The following MESD variants were observed in gnomAD, a reference collection of about 807,000 sequenced individuals.
The protein encoded by MESD is mesoderm development LRP chaperone, also known as LRP chaperone MESD.
MESD carries 7 observed loss-of-function variants against 12.9 expected under a neutral mutation model. The ratio of observed to expected loss-of-function variants is 0.54; its 90% confidence interval spans 0.31 to 1.02. MESD has a LOEUF of 1.02. Among genes scored for constraint, MESD ranks in the 50% least tolerant of loss-of-function variants. The pLI is 0.05. For synonymous variants in MESD, 126 were observed against 115.6 expected (o/e 1.09, Z -0.58); for missense variants, 342 against 296.7 (o/e 1.15, Z -1.12).
In MESD at chr15:80,952,112, C is replaced by T. The variant is rs148146119; in HGVS notation, c.*473G>A. ...AGGCTGTCACTTCAACTCCCCTCCC[C>T]GATGGGGAAGCCAGGCAGAAGCAGG... is the stretch of plus-strand genomic sequence containing the variant. On this transcript the variant is annotated 3_prime_UTR_variant, in exon 4 of 5. Coordinates refer to the MESD transcript ENST00000561312. 755 of 450,572 alleles carry T rather than the reference C, an allele frequency of 1.7e-3. 8 individuals are homozygous for T. Among genetic ancestry groups the T allele is most frequent in the African/African-American group, 0.013 (634 of 50,056 alleles). The allele number at this position is 450,572 out of a possible 1,614,324, so 27.9% of individuals were successfully genotyped here.
Position 80,981,907 on chromosome 15 carries a change from G to A in MESD, c.446+43C>T, listed in dbSNP as rs202028657. Reference sequence around the variant, plus strand: ...TAATAATAATAATAAAGAAAAGACCGAGCACAGCCTATGAGTCTCTCAGCT... The same window carrying A: ...TAATAATAATAATAAAGAAAAGACCAAGCACAGCCTATGAGTCTCTCAGCT... On this transcript the variant is annotated intron_variant, in intron 2 of 2. Coordinates refer to ENST00000261758, the MANE Select transcript of MESD (RefSeq NM_015154.3). The A allele has an allele frequency of 2.1e-4, 267 of 1,293,898 alleles. 5 individuals carry two copies. The East Asian group carries it at 4.0e-3, about 19-fold the overall frequency. The allele number at this position is 1,293,898 out of a possible 1,614,324, so 80.2% of individuals were successfully genotyped here.
chr15:80,979,065 C>A lies in MESD; in HGVS notation c.*154G>T, dbSNP rs8039384. The A allele has an allele frequency of 0.14, 145,929 of 1,011,564 alleles. 11,200 individuals are homozygous for A. Among genetic ancestry groups the A allele is most frequent in the African/African-American group, 0.25 (15,321 of 61,968 alleles). The allele number at this position is 1,011,564 out of a possible 1,614,324, so 62.7% of individuals were successfully genotyped here. A position where few individuals can be genotyped will look rare whatever the true frequency, so the allele number is the denominator to read the frequency against. ...ACTTGAAGCCTATTAAGCAGTAATT[C>A]TTTGACCACAAACTGGTCATGTGGC... On this transcript the variant is annotated 3_prime_UTR_variant, in exon 3 of 3. Transcript: ENST00000261758.
rs967383200 is a variant in MESD at position 80,978,376 on chromosome 15, A to T, written c.*843T>A. ...TAGCACATCATGTTACTCTATACGA[A>T]AGCACAGATTTAGGCACTTTATCAA... On this transcript the variant is annotated 3_prime_UTR_variant, in exon 3 of 3. Transcript: ENST00000261758. The T allele has an allele frequency of 6.6e-6, 1 of 152,196 alleles. No homozygotes were observed. Among genetic ancestry groups the T allele is most frequent in the African/African-American group, 2.4e-5 (1 of 41,440 alleles). 9.4% of individuals were successfully genotyped at this position (152,196 alleles called of 1,614,324 possible).
intron 1 of MESD, among the ~76,000 whole-genome samples, chr15:80,987,283 C>CA (rs1406054645): frequency 2.6e-5 from 4 of 151,970 alleles, no homozygotes; most frequent in East Asian, 3.8e-4. Context: ...CTGCTTCCTA[C>CA]AAAAAAAGCA....
chr15:80,960,703 TA>T (rs1902069935), intron 3 of MESD, among the ~76,000 whole-genome samples: 1 of 152,224 alleles, frequency 6.6e-6, no homozygotes, highest in Non-Finnish European at 1.5e-5. Flanking sequence ...ATTGAAACTC[TA>T]AACAATATTG....
At chr15:80,970,014 A>G (rs1902252081) in intron 3 of MESD, among the ~76,000 whole-genome samples, 1 of 152,238 alleles carries the variant, frequency 6.6e-6, no homozygotes. Flanking sequence ...GTAAATTAAT[A>G]TTACTAGAAC....
At chr15:80,946,719 G>A, downstream of MESD, 4 of 527,728 alleles carry the variant, frequency 7.6e-6, no homozygotes, top group Non-Finnish European at 6.9e-6. Context: ...CCAAGTCCAG[G>A]CTTGGAGAAG....
chr15:80,948,623 A>T lies in MESD; in HGVS notation c.*902T>A. ...GACCCTGCCTGCCCCATACAAACAC[A>T]TGTCAGGCACCATCAGTAGCTGAGC... is the stretch of plus-strand genomic sequence containing the variant. On this transcript the variant is annotated 3_prime_UTR_variant, in exon 5 of 5. Transcript: ENST00000561312. 8.3e-6 allele frequency: 7 copies of T among 845,124 alleles called. No individual in the cohort carries two copies. The South Asian group carries it at 1.0e-4, about 12-fold the overall frequency. 52.4% of individuals were successfully genotyped at this position (845,124 alleles called of 1,614,324 possible).
intron 1 of MESD, among the ~76,000 whole-genome samples, chr15:80,986,432 A>G (rs1433467027): frequency 6.6e-6 from 1 of 152,230 alleles, no homozygotes. Context: ...CAACACAAAG[A>G]AATGATTAAT....
At chr15:80,946,797 A>C (rs1901574689), downstream of MESD, 2 of 662,310 alleles carry the variant, frequency 3.0e-6, no homozygotes, top group African/African-American at 1.8e-5. Flanking sequence ...ACATGGAAAG[A>C]GCCCGTCAGC....
intron 1 of MESD, among the ~76,000 whole-genome samples, chr15:80,989,281 G>C (rs571616794): frequency 6.6e-6 from 1 of 152,184 alleles, no homozygotes; most frequent in Non-Finnish European, 1.5e-5. Flanking sequence ...GGGCACTGAA[G>C]GGTGAAGGGA....
chr15:80,982,402 C>G (rs1419397647), intron 1 of MESD, among the ~76,000 whole-genome samples: 3 of 152,140 alleles, frequency 2.0e-5, no homozygotes, highest in Admixed American at 6.6e-5. Flanking sequence ...ACAGAGCGCC[C>G]CCATGTGATG....
At chr15:80,981,436 C>CAAAAAA (rs58445538) in intron 2 of MESD, among the ~76,000 whole-genome samples, 1 of 48,442 alleles carries the variant, frequency 2.1e-5, no homozygotes, top group African/African-American at 6.5e-5. Context: ...GACTCCGTCT[C>CAAAAAA]AAAAAAAAAA....
intron 3 of MESD, among the ~76,000 whole-genome samples, chr15:80,958,087 AG>A (rs1258740836): frequency 6.6e-6 from 1 of 152,126 alleles, no homozygotes; most frequent in Non-Finnish European, 1.5e-5. Context: ...CACAAACACA[AG>A]GAAGTTATTT....
chr15:80,968,386 A>T (rs1240691773), intron 3 of MESD, among the ~76,000 whole-genome samples: 2 of 152,198 alleles, frequency 1.3e-5, no homozygotes, highest in Non-Finnish European at 2.9e-5. Flanking sequence ...TCCAGAAGAA[A>T]ACAGCCCAGG....
chr15:80,979,593 A>C (rs573483101), intron 2 of MESD, 116 bp from the exon 3 acceptor site: 20 of 1,303,378 alleles, frequency 1.5e-5, no homozygotes, highest in Non-Finnish European at 2.0e-5. Context: ...TATGGAATGA[A>C]AAATTGGATT....
chr15:80,983,047 G>A (rs1274385747), intron 1 of MESD, among the ~76,000 whole-genome samples: 2 of 152,062 alleles, frequency 1.3e-5, no homozygotes, highest in Non-Finnish European at 2.9e-5. Context: ...TTTGAGATCA[G>A]CCTGGGCAAC....
downstream of MESD, among the ~76,000 whole-genome samples, chr15:80,975,009 G>GA (rs1343928328): frequency 6.6e-6 from 1 of 151,512 alleles, no homozygotes; most frequent in East Asian, 1.9e-4. Context: ...TTTAAAAAAA[G>GA]AAAAAGAGAA....
downstream of MESD, among the ~76,000 whole-genome samples, chr15:80,974,875 A>C (rs1186387254): frequency 6.6e-6 from 1 of 151,384 alleles, no homozygotes; most frequent in Admixed American, 6.6e-5. Context: ...AATTTTTAAA[A>C]TTTTTCAATT....
Sources: gnomAD v4.1 joint callset for allele counts (sites outside exome capture counted in the v4.1 genomes callset) on GRCh38, gnomAD v4.1.1 for gene constraint, MANE v1.5 for transcripts, NCBI Gene and HGNC (gene_info 2026-07-23, HGNC 2026-07-21) for gene names.